The following MAGI2 variants were observed in gnomAD, a reference collection of about 807,000 sequenced individuals.
MAGI2 encodes membrane-associated guanylate kinase, WW and PDZ domain-containing protein 2.
In MAGI2, 35 loss-of-function variants were observed where a neutral mutation model predicts 133.3. That is an observed-to-expected ratio of 0.26 (90% CI 0.20 to 0.35). The LOEUF is 0.35. Ranked by LOEUF, MAGI2 falls within the 10% of genes least tolerant of loss-of-function variation. MAGI2 has a pLI of 1.00. For missense variants in MAGI2, 1,636 were observed against 1,863.4 expected (o/e 0.88, Z 2.25); for synonymous variants, 729 against 710.6 (o/e 1.03, Z -0.41).
intron 1 of MAGI2, among the ~76,000 whole-genome samples, chr7:79,205,990 G>A (rs1265427454): frequency 1.3e-5 from 2 of 151,406 alleles, no homozygotes; most frequent in African/African-American, 4.9e-5. Flanking sequence ...GGGTCAATGA[G>A]TCAATGACAA....
intron 3 of MAGI2, among the ~76,000 whole-genome samples, chr7:78,562,222 AAGTG>A (rs150241337): frequency 0.019 from 2,961 of 152,314 alleles, 34 homozygotes; most frequent in Non-Finnish European, 0.031. Flanking sequence ...GGAGTGTTTA[AAGTG>A]AGTGTTATTT....
Position 78,964,369 on chromosome 7 carries a change from C to T in MAGI2, c.418+42721G>A, listed in dbSNP as rs1266524381. On this transcript the variant is annotated intron_variant, in intron 2 of 21. Transcript: ENST00000354212. Reference sequence around the variant, plus strand: ...TATATCATTTTCACTTTTTGTATTACTACATCATCTCATAACCATAATTTT... The same window carrying T: ...TATATCATTTTCACTTTTTGTATTATTACATCATCTCATAACCATAATTTT... Among the ~76,000 whole-genome samples the T allele has an allele frequency of 2.0e-5, 3 of 152,008 alleles. No homozygotes were observed. In the South Asian group the frequency reaches 6.2e-4, roughly 31 times the overall value.
At chr7:78,604,713 C>T (rs1000049891) in intron 3 of MAGI2, among the ~76,000 whole-genome samples, 1 of 152,098 alleles carries the variant, frequency 6.6e-6, no homozygotes, top group Non-Finnish European at 1.5e-5. Context: ...GAAACAGGCA[C>T]CCGGAAGTAT....
intron 21 of MAGI2, among the ~76,000 whole-genome samples, chr7:78,076,852 CAAAAAA>C (rs1242148618): frequency 2.4e-5 from 1 of 42,548 alleles, no homozygotes; most frequent in Admixed American, 3.7e-4. Context: ...GACTCCGTCT[CAAAAAA>C]AAAAAAAAAA....
chr7:79,314,516 T>C (rs1048833344), intron 1 of MAGI2, among the ~76,000 whole-genome samples: 2 of 152,234 alleles, frequency 1.3e-5, no homozygotes, highest in Non-Finnish European at 2.9e-5. Context: ...TTAAGCCCTG[T>C]AGAGTCATGG....
chr7:79,223,846 G>A (rs1275863954), intron 1 of MAGI2, among the ~76,000 whole-genome samples: 1 of 152,012 alleles, frequency 6.6e-6, no homozygotes. Flanking sequence ...TCACAGGGCT[G>A]TTGGTATAAT....
intron 1 of MAGI2, among the ~76,000 whole-genome samples, chr7:79,383,466 A>G (rs1401625784): frequency 6.6e-6 from 1 of 151,584 alleles, no homozygotes; most frequent in African/African-American, 2.4e-5. Context: ...CATATGGATA[A>G]GGACAAAAAT....
chr7:78,915,871 G>A (rs1240200242), intron 2 of MAGI2, among the ~76,000 whole-genome samples: 2 of 152,054 alleles, frequency 1.3e-5, no homozygotes, highest in African/African-American at 2.4e-5. Flanking sequence ...ATCAGAGGAG[G>A]AGGGTCTCTC....
intron 9 of MAGI2, among the ~76,000 whole-genome samples, chr7:78,288,632 A>G (rs1562759538): frequency 6.6e-6 from 1 of 152,178 alleles, no homozygotes; most frequent in African/African-American, 2.4e-5. Context: ...TTGAGATCTG[A>G]GACTGGGCAG....
chr7:79,142,345 A>T (rs926419929), intron 1 of MAGI2, among the ~76,000 whole-genome samples: 2 of 152,190 alleles, frequency 1.3e-5, no homozygotes, highest in Admixed American at 1.3e-4. Flanking sequence ...CTCCACCAAC[A>T]CCTGAGTTTG....
intron 2 of MAGI2, among the ~76,000 whole-genome samples, chr7:78,690,963 A>G (rs1816898049): frequency 6.6e-6 from 1 of 152,224 alleles, no homozygotes; most frequent in African/African-American, 2.4e-5. Flanking sequence ...CATAGAGCAC[A>G]ACATTTTCAC....
intron 1 of MAGI2, among the ~76,000 whole-genome samples, chr7:79,251,872 A>G (rs1296245928): frequency 1.3e-5 from 2 of 152,122 alleles, no homozygotes; most frequent in Non-Finnish European, 2.9e-5. Context: ...GATTTAAAAA[A>G]AAAAGTGGAC....
At chr7:78,530,608 C>T (rs1797383099) in intron 3 of MAGI2, among the ~76,000 whole-genome samples, 1 of 152,164 alleles carries the variant, frequency 6.6e-6, no homozygotes, top group Non-Finnish European at 1.5e-5. Context: ...TTATCCTTTT[C>T]TCTCTTGCAT....
rs139392429 is a variant in MAGI2, at chr7:78,608,896, A to G, written c.538+18224T>C. On this transcript the variant is annotated intron_variant, in intron 3 of 21. Transcript: ENST00000354212. Reference sequence around the variant, plus strand: ...CAGAACTAATAGAATGTCTATATCTATCTACATATGGGAGTTTATTAAGCA... The same window carrying G: ...CAGAACTAATAGAATGTCTATATCTGTCTACATATGGGAGTTTATTAAGCA... Among the ~76,000 whole-genome samples the G allele has an allele frequency of 7.6e-3, 1,161 of 152,260 alleles. 13 individuals carry two copies. Among genetic ancestry groups the G allele is most frequent in the African/African-American group, 0.019 (769 of 41,546 alleles).
At chr7:78,529,668 GTTTTTT>G (rs554010061) in intron 3 of MAGI2, among the ~76,000 whole-genome samples, 164 of 57,380 alleles carry the variant, frequency 2.9e-3, no homozygotes, top group African/African-American at 7.4e-3. Context: ...AAAGGAGATG[GTTTTTT>G]TTTTTTTTTT....
chr7:78,973,822 A>G (rs1242225522), intron 2 of MAGI2, among the ~76,000 whole-genome samples: 2 of 151,386 alleles, frequency 1.3e-5, no homozygotes, highest in African/African-American at 4.8e-5. Flanking sequence ...TCTCAATTTT[A>G]CCCCGTTACA....
intron 9 of MAGI2, among the ~76,000 whole-genome samples, chr7:78,297,834 TGGGGGGAGGGGGA>T (rs1402743744): frequency 2.6e-5 from 1 of 39,016 alleles, no homozygotes; most frequent in Non-Finnish European, 5.3e-5. Context: ...TGTTGTGGGG[TGGGGGGAGGGGGA>T]GGGGGGAGGG....
At chr7:78,784,369 C>T (rs1378565990) in intron 2 of MAGI2, among the ~76,000 whole-genome samples, 2 of 152,130 alleles carry the variant, frequency 1.3e-5, no homozygotes, top group Admixed American at 6.5e-5. Context: ...TCTTGCTCCT[C>T]ATTCTCTCCA....
intron 6 of MAGI2, among the ~76,000 whole-genome samples, chr7:78,478,303 T>C (rs932255352): frequency 6.6e-6 from 1 of 151,912 alleles, no homozygotes; most frequent in Non-Finnish European, 1.5e-5. Context: ...ATATTTAATC[T>C]AGTTTCCCTT....
Sources: allele counts gnomAD v4.1 joint callset (sites outside exome capture counted in the v4.1 genomes callset), GRCh38; gene constraint gnomAD v4.1.1; transcripts MANE v1.5; gene names NCBI Gene and HGNC (gene_info 2026-07-23, HGNC 2026-07-21).